RPH3A: variants seen among roughly 807,000 people sequenced by gnomAD.
RPH3A encodes the protein rabphilin-3A.
Under a neutral mutation model 102.2 loss-of-function variants are expected in RPH3A, and 48 were observed. The observed-to-expected ratio is 0.47, with a 90% CI of 0.37 to 0.60. The LOEUF (loss-of-function observed/expected upper bound fraction) is 0.60. RPH3A is among the 20% of genes least tolerant of loss of function. The pLI is 0.00. For missense variants in RPH3A, 781 were observed against 910.1 expected (o/e 0.86, Z 1.83); for synonymous variants, 310 against 324.3 (o/e 0.96, Z 0.47).
intron 5 of RPH3A, among the ~76,000 whole-genome samples, chr12:112,851,593 G>A (rs1168606947): frequency 6.6e-6 from 1 of 152,170 alleles, no homozygotes; most frequent in Non-Finnish European, 1.5e-5. Context: ...GGGCAGTTTT[G>A]CAAGGGTTAG....
At chr12:112,809,045 C>G (rs2041521797) in intron 2 of RPH3A, among the ~76,000 whole-genome samples, 1 of 152,066 alleles carries the variant, frequency 6.6e-6, no homozygotes, top group Non-Finnish European at 1.5e-5. Context: ...CAAGGTGATC[C>G]TAGCGCAGAA....
chr12:112,724,692 A>G (rs559657062), intron 1 of RPH3A, among the ~76,000 whole-genome samples: 1 of 152,206 alleles, frequency 6.6e-6, no homozygotes, highest in Non-Finnish European at 1.5e-5. Flanking sequence ...GATGAGGCTG[A>G]GCACGGTGGC....
At chr12:112,624,312 G>T (rs2135982321) in intron 1 of RPH3A, among the ~76,000 whole-genome samples, 1 of 151,450 alleles carries the variant, frequency 6.6e-6, no homozygotes, top group African/African-American at 2.4e-5. Context: ...TAGACCGCTA[G>T]CAAGACTAAT....
intron 1 of RPH3A, among the ~76,000 whole-genome samples, chr12:112,753,114 G>A (rs920665400): frequency 2.6e-5 from 4 of 151,866 alleles, no homozygotes; most frequent in East Asian, 1.9e-4. Context: ...CTCGTGGAAT[G>A]TTCAAGAGAT....
At chr12:112,682,677 T>C (rs1023248674) in intron 1 of RPH3A, among the ~76,000 whole-genome samples, 1 of 152,100 alleles carries the variant, frequency 6.6e-6, no homozygotes, top group Non-Finnish European at 1.5e-5. Context: ...AGCAGAGAGA[T>C]GGGGGAGCCA....
chr12:112,594,720 A>G (rs1191588273), intron 1 of RPH3A, among the ~76,000 whole-genome samples: 1 of 152,192 alleles, frequency 6.6e-6, no homozygotes, highest in African/African-American at 2.4e-5. Context: ...AGGTTGAAAT[A>G]ATGTCCAATG....
intron 1 of RPH3A, among the ~76,000 whole-genome samples, chr12:112,738,657 C>A (rs2040686123): frequency 6.6e-6 from 1 of 152,184 alleles, no homozygotes; most frequent in South Asian, 2.1e-4. Context: ...TGGGGAGCTG[C>A]ACTACCTCCA....
At chr12:112,804,704 G>C (rs548992992) in intron 2 of RPH3A, among the ~76,000 whole-genome samples, 1 of 152,298 alleles carries the variant, frequency 6.6e-6, no homozygotes, top group East Asian at 1.9e-4. Flanking sequence ...CCGTACTTCA[G>C]TTTCTTCCAG....
At chr12:112,617,295 G>A (rs1176270905) in intron 1 of RPH3A, among the ~76,000 whole-genome samples, 1 of 152,202 alleles carries the variant, frequency 6.6e-6, no homozygotes, top group Non-Finnish European at 1.5e-5. Context: ...CCACGCTGCT[G>A]AGGTGTTGGT....
chr12:112,788,063 GT>G (rs2041063405), upstream of RPH3A, among the ~76,000 whole-genome samples: 1 of 152,222 alleles, frequency 6.6e-6, no homozygotes, highest in South Asian at 2.1e-4. Context: ...CCACAGGCTG[GT>G]GGAGTTTACA....
intron 1 of RPH3A, among the ~76,000 whole-genome samples, chr12:112,694,626 ACACG>A (rs1566262668): frequency 7.3e-6 from 1 of 137,374 alleles, no homozygotes; most frequent in African/African-American, 2.8e-5. Flanking sequence ...AGACAAAGAC[ACACG>A]CACGCGCGCG....
intron 1 of RPH3A, among the ~76,000 whole-genome samples, chr12:112,669,612 A>G (rs1377979040): frequency 1.3e-5 from 2 of 152,204 alleles, no homozygotes; most frequent in African/African-American, 4.8e-5. Context: ...CACTATTAGG[A>G]GTTTTCTTGG....
intron 1 of RPH3A, among the ~76,000 whole-genome samples, chr12:112,672,919 A>T (rs761255671): frequency 9.3e-4 from 141 of 152,266 alleles, no homozygotes; most frequent in Non-Finnish European, 1.4e-3. Flanking sequence ...GTGTCAAGGC[A>T]TCCAGACCCC....
chr12:112,811,532 C>T (rs1010971772), intron 2 of RPH3A, among the ~76,000 whole-genome samples: 4 of 148,916 alleles, frequency 2.7e-5, no homozygotes, highest in African/African-American at 9.8e-5. Context: ...AATAGAACCC[C>T]CCCCCCAAAA....
intron 1 of RPH3A, among the ~76,000 whole-genome samples, chr12:112,678,303 A>AGAGAGAGAGAG (rs1555283198): frequency 6.4e-4 from 32 of 50,158 alleles, no homozygotes; most frequent in Admixed American, 1.2e-3. Flanking sequence ...GAAAGAAAGA[A>AGAGAGAGAGAG]AGAGAGAGAG....
chr12:112,590,005 C>T (rs1555276461), intron 1 of RPH3A, among the ~76,000 whole-genome samples: 1 of 151,838 alleles, frequency 6.6e-6, no homozygotes, highest in Non-Finnish European at 1.5e-5. Context: ...ATCGCTTGAA[C>T]CCAGGATGGG....
chr12:112,641,480 T>C (rs1472703434), intron 1 of RPH3A, among the ~76,000 whole-genome samples: 1 of 152,216 alleles, frequency 6.6e-6, no homozygotes, highest in Non-Finnish European at 1.5e-5. Context: ...CACTGCAACC[T>C]CCGCCTCCCA....
At chr12:112,603,876 GC>G (rs1212865837) in intron 1 of RPH3A, among the ~76,000 whole-genome samples, 2 of 152,052 alleles carry the variant, frequency 1.3e-5, no homozygotes, top group African/African-American at 2.4e-5. Flanking sequence ...ATATAACCCA[GC>G]CCCCCAGCAT....
At chr12:112,678,232 CGAAA>C (rs757546615) in intron 1 of RPH3A, among the ~76,000 whole-genome samples, 898 of 74,638 alleles carry the variant, frequency 0.012, 33 homozygotes, top group South Asian at 0.036. Flanking sequence ...AAGACCCTGT[CGAAA>C]GAAAGAAAGA....
Sources: gnomAD v4.1 joint callset for allele counts (sites outside exome capture counted in the v4.1 genomes callset) on GRCh38, gnomAD v4.1.1 for gene constraint, MANE v1.5 for transcripts, NCBI Gene and HGNC (gene_info 2026-07-23, HGNC 2026-07-21) for gene names.